FGD3: variants seen among roughly 807,000 people sequenced by gnomAD.
FGD3 encodes FYVE, RhoGEF and PH domain containing 3.
In FGD3, 45 loss-of-function variants were observed where a neutral mutation model predicts 71.8. The observed-to-expected ratio is 0.63, with a 90% CI of 0.49 to 0.80. The LOEUF (loss-of-function observed/expected upper bound fraction) is 0.80. Ranked by LOEUF, FGD3 falls within the 30% of genes least tolerant of loss-of-function variation. FGD3 has a pLI of 0.00. For synonymous variants in FGD3, 378 were observed against 392.8 expected (o/e 0.96, Z 0.44); for missense variants, 844 against 951.5 (o/e 0.89, Z 1.49).
At chr9:93,023,473 C>A (rs7852416) in intron 14 of FGD3, among the ~76,000 whole-genome samples, 26,115 of 152,166 alleles carry the variant, frequency 0.17, 2,276 homozygotes, top group Non-Finnish European at 0.18. Context: ...AGCCACCTGG[C>A]CTCTGCAGAG....
intron 3 of FGD3, among the ~76,000 whole-genome samples, chr9:92,977,748 G>A (rs894150290): frequency 6.6e-6 from 1 of 152,274 alleles, no homozygotes; most frequent in Admixed American, 6.5e-5. Context: ...AGGGTTCGAG[G>A]GGGAACTGTG....
At chr9:93,013,646 CGTT>C (rs1174839342) in intron 8 of FGD3, among the ~76,000 whole-genome samples, 3 of 152,288 alleles carry the variant, frequency 2.0e-5, no homozygotes, top group East Asian at 1.9e-4. Flanking sequence ...TCCTGTTTAT[CGTT>C]GTTTTTATGC....
intron 14 of FGD3, among the ~76,000 whole-genome samples, chr9:93,029,028 T>G (rs1018612500): frequency 1.8e-4 from 18 of 98,952 alleles, no homozygotes; most frequent in African/African-American, 8.4e-4. Flanking sequence ...TTTTTTTTTT[T>G]TTTTTTTTTG....
intron 6 of FGD3, among the ~76,000 whole-genome samples, chr9:93,009,990 A>G (rs1490597796): frequency 6.6e-6 from 1 of 152,146 alleles, no homozygotes; most frequent in African/African-American, 2.4e-5. Context: ...TCCACCGAGG[A>G]TGCGTATAAG....
At chr9:92,965,581 G>A (rs1357444367) in intron 1 of FGD3, among the ~76,000 whole-genome samples, 1 of 152,246 alleles carries the variant, frequency 6.6e-6, no homozygotes, top group Non-Finnish European at 1.5e-5. Flanking sequence ...GCACCATGCA[G>A]TGTGCAAGAC....
chr9:93,015,910 G>A (rs962125133), intron 10 of FGD3, 81 bp downstream of exon 10: 97 of 1,280,180 alleles, frequency 7.6e-5, no homozygotes, highest in Non-Finnish European at 1.0e-4. Flanking sequence ...TCTGGCCGCT[G>A]AGGCACTCAC....
At chr9:92,978,553 G>A (rs911638643) in intron 3 of FGD3, among the ~76,000 whole-genome samples, 64 of 151,978 alleles carry the variant, frequency 4.2e-4, no homozygotes, top group African/African-American at 1.3e-3. Context: ...GCACACTTGC[G>A]TGCATTTGTG....
At position 92,955,373 on chromosome 9, in the gene FGD3, A is replaced by G. The variant is rs186845105; in HGVS notation, c.-218+7644A>G. Among the ~76,000 whole-genome samples, 341 of 151,980 alleles carry G rather than the reference A, an allele frequency of 2.2e-3. 3 individuals are homozygous for G. Among genetic ancestry groups the G allele is most frequent in the South Asian group, 0.017 (82 of 4,808 alleles). ...AACATGGAGAAACCCCATCTCTACT[A>G]AAAAAATACAAAATTAGCCAGGCAT... On this transcript the variant is annotated intron_variant, in intron 1 of 17. Transcript: ENST00000375482.
intron 11 of FGD3, among the ~76,000 whole-genome samples, chr9:93,019,041 G>T (rs1435891150): frequency 6.6e-6 from 1 of 152,020 alleles, no homozygotes; most frequent in African/African-American, 2.4e-5. Flanking sequence ...ACCCAACGGG[G>T]TTTCACCATG....
In FGD3 at chr9:92,968,609, T is replaced by TTC. The variant is rs1321592130; in HGVS notation, c.-217-6628_-217-6627insCT. 8.2e-5 allele frequency among the ~76,000 whole-genome samples: 12 copies of TTC among 146,294 alleles called. No individual in the cohort carries two copies. In the South Asian group the frequency reaches 2.2e-3, roughly 26 times the overall value. On this transcript the variant is annotated intron_variant, in intron 1 of 17. Transcript: ENST00000375482. ...TTTCTTTTCTTTTTTCTTTCTTTCT[T>TTC]TTTTTTTTTTTTGACACGGAGTCTC...
rs75203221 is a variant in FGD3 at position 92,969,809 on chromosome 9, G to T, written c.-217-5429G>T. Reference sequence around the variant, plus strand: ...GCACTGTGGAGGGACACGGGGCGGGGGCCAGAGCACTTCATCCCCCTGCTC... The same window carrying T: ...GCACTGTGGAGGGACACGGGGCGGGTGCCAGAGCACTTCATCCCCCTGCTC... On this transcript the variant is annotated intron_variant, in intron 1 of 17. Coordinates refer to ENST00000375482, the MANE Select transcript of FGD3 (RefSeq NM_001083536.2). The surrounding 1 kb of genome is among the most constrained non-coding windows in gnomAD (Gnocchi z 4.5). 0.01 allele frequency among the ~76,000 whole-genome samples: 1,548 copies of T among 152,292 alleles called. 27 individuals are homozygous for T. Among genetic ancestry groups the T allele is most frequent in the African/African-American group, 0.035 (1,473 of 41,548 alleles).
At chr9:93,026,172 C>T (rs1295696459) in intron 14 of FGD3, among the ~76,000 whole-genome samples, 3 of 152,162 alleles carry the variant, frequency 2.0e-5, no homozygotes, top group Admixed American at 2.0e-4. Flanking sequence ...GCCCCGTTGG[C>T]CCTTGGTGGA....
intron 10 of FGD3, among the ~76,000 whole-genome samples, chr9:93,016,068 C>T (rs1382337261): frequency 6.6e-6 from 1 of 152,182 alleles, no homozygotes; most frequent in Non-Finnish European, 1.5e-5. Flanking sequence ...GCTGCCAACT[C>T]CCCTTTCTGC....
chr9:93,034,159 G>A (rs902019705), intron 16 of FGD3: 10 of 168,538 alleles, frequency 5.9e-5, no homozygotes, highest in Non-Finnish European at 1.0e-4. Flanking sequence ...GTGTGTGTGT[G>A]TGCTGTGTGT....
intron 8 of FGD3, among the ~76,000 whole-genome samples, chr9:93,011,864 AAG>A (rs1554736350): frequency 1.4e-5 from 2 of 139,724 alleles, no homozygotes; most frequent in Non-Finnish European, 3.1e-5. Context: ...TCAAAAAAAA[AAG>A]AATCACTCTA....
chr9:93,007,121 C>T (rs1861092599), intron 6 of FGD3, among the ~76,000 whole-genome samples: 1 of 151,744 alleles, frequency 6.6e-6, no homozygotes, highest in Admixed American at 6.6e-5. Context: ...AACAGAGTCT[C>T]ACTCTGTAGC....
chr9:93,020,171 AG>A, intron 12 of FGD3, 145 bp from the exon 13 acceptor site: 2 of 726,066 alleles, frequency 2.8e-6, no homozygotes, highest in Non-Finnish European at 4.5e-6. Context: ...CATCATTGGT[AG>A]GGGGGAAGGG....
intron 1 of FGD3, among the ~76,000 whole-genome samples, chr9:92,971,452 C>T (rs1221028415): frequency 1.3e-5 from 2 of 151,834 alleles, no homozygotes; most frequent in African/African-American, 4.8e-5. Context: ...CCATCATGAT[C>T]CATCCTCCCT....
rs1218786259 is a variant in FGD3 at position 93,003,186 on chromosome 9, T to A, written c.543+172T>A. On this transcript the variant is annotated intron_variant, in intron 4 of 17. Coordinates refer to ENST00000375482, the MANE Select transcript of FGD3 (RefSeq NM_001083536.2). The surrounding 1 kb of genome is among the most constrained non-coding windows in gnomAD (Gnocchi z 4.1). ...CTCTGTCACCCAAGCTGGAGTGCAGTGGCGCGATCTTGGCTCACTGCAACC... is the reference window on the plus strand; with the variant it reads ...CTCTGTCACCCAAGCTGGAGTGCAGAGGCGCGATCTTGGCTCACTGCAACC... Among the ~76,000 whole-genome samples the A allele has an allele frequency of 2.0e-5, 3 of 152,130 alleles. No homozygotes were observed.
Sources: allele counts gnomAD v4.1 joint callset (sites outside exome capture counted in the v4.1 genomes callset), GRCh38; gene constraint gnomAD v4.1.1; non-coding constraint Gnocchi (gnomAD v3.1); transcripts MANE v1.5; gene names NCBI Gene and HGNC (gene_info 2026-07-23, HGNC 2026-07-21).